The following MYO5A variants were observed in gnomAD, a reference collection of about 807,000 sequenced individuals.
MYO5A encodes unconventional myosin-Va.
MYO5A carries 98 observed loss-of-function variants against 249.7 expected under a neutral mutation model. That is an observed-to-expected ratio of 0.39 (90% CI 0.33 to 0.46). MYO5A has a LOEUF of 0.46. MYO5A is among the 20% of genes least tolerant of loss of function. The pLI is 0.98. For synonymous variants in MYO5A, 778 were observed against 810.6 expected (o/e 0.96, Z 0.68); for missense variants, 1,696 against 2,308.8 (o/e 0.73, Z 5.44).
chr15:52,375,876 A>G (rs548027836), intron 19 of MYO5A, among the ~76,000 whole-genome samples: 2 of 152,288 alleles, frequency 1.3e-5, no homozygotes, highest in East Asian at 3.9e-4. Flanking sequence ...TTCATCTACC[A>G]TATTTTTCCT....
Position 52,370,305 on chromosome 15 carries a change from T to C in MYO5A, c.2930A>G (p.Glu977Gly). ...DLERLQLSEE[E>G]AKVATGRVLS... is the part of the protein sequence containing the mutation. ...GACCCGCCCAGTGGCAACTTTCGCT[T>C]CCTCTTCACTTAGTTGAAGACGTTC... Residue 977 changes from glutamate to glycine, a missense_variant, in exon 22 of 42, where the codon GAA becomes GGA. By Grantham distance (98) the Glu-to-Gly change is moderately conservative. Coordinates refer to ENST00000399233, the MANE Select transcript of MYO5A (RefSeq NM_001382347.1). The C allele has an allele frequency of 1.2e-6, 2 of 1,614,162 alleles. No individual in the cohort carries two copies. The highest frequency in any genetic ancestry group is 1.7e-6 in the Non-Finnish European group (2 of 1,180,014).
At chr15:52,411,253 G>C (rs1298623068) in intron 5 of MYO5A, among the ~76,000 whole-genome samples, 2 of 152,130 alleles carry the variant, frequency 1.3e-5, no homozygotes. Context: ...GGTCTCTTTA[G>C]CCTGATGTTT....
At chr15:52,486,806 C>T (rs2076830057) in intron 1 of MYO5A, among the ~76,000 whole-genome samples, 1 of 152,162 alleles carries the variant, frequency 6.6e-6, no homozygotes, top group Non-Finnish European at 1.5e-5. Flanking sequence ...ACCTGCCTGA[C>T]CACATCATGC....
At chr15:52,524,298 A>C (rs962088277) in intron 1 of MYO5A, among the ~76,000 whole-genome samples, 1 of 152,214 alleles carries the variant, frequency 6.6e-6, no homozygotes, top group Non-Finnish European at 1.5e-5. Context: ...TCATGTCTGT[A>C]ATCTCAACAC....
chr15:52,446,301 T>A (rs962101828), intron 1 of MYO5A, among the ~76,000 whole-genome samples: 3 of 152,218 alleles, frequency 2.0e-5, no homozygotes, highest in Non-Finnish European at 2.9e-5. Context: ...AAAGCCGGGG[T>A]ACAGCTCAAG....
chr15:52,396,438 C>T, intron 10 of MYO5A, 41 bp from the exon 11 acceptor site: 1 of 1,193,488 alleles, frequency 8.4e-7, no homozygotes, highest in Non-Finnish European at 1.2e-6. Context: ...AGAAAAGGAA[C>T]AAAAAGCTTT....
chr15:52,488,044 C>T (rs1277240685), intron 1 of MYO5A, among the ~76,000 whole-genome samples: 1 of 152,020 alleles, frequency 6.6e-6, no homozygotes, highest in East Asian at 1.9e-4. Context: ...GAATTCTTAA[C>T]TTCTACATAG....
chr15:52,346,896 G>A (rs2039663229), intron 29 of MYO5A, among the ~76,000 whole-genome samples: 1 of 151,778 alleles, frequency 6.6e-6, no homozygotes, highest in Non-Finnish European at 1.5e-5. Flanking sequence ...TAGTTACAAT[G>A]AGCAGATGCC....
intron 1 of MYO5A, among the ~76,000 whole-genome samples, chr15:52,504,672 C>A (rs536583887): frequency 6.6e-6 from 1 of 151,930 alleles, no homozygotes; most frequent in East Asian, 1.9e-4. Flanking sequence ...GAGACCAAGG[C>A]GGGTGGATCG....
rs371850205 is a variant in MYO5A at position 52,387,956 on chromosome 15, A to G, written c.1669-44T>C. The G allele has an allele frequency of 1.4e-5, 18 of 1,311,676 alleles. 1 individual carries two copies. In the South Asian group the frequency reaches 2.1e-4, roughly 15 times the overall value. The allele number at this position is 1,311,676 out of a possible 1,614,324, so 81.3% of individuals were successfully genotyped here. ...ATCTCCTTAACTGATAAAACTTTTG[A>G]ATAGATATTATAATCATCAATAATA... On this transcript the variant is annotated intron_variant, in intron 13 of 41. Transcript: ENST00000399233.
chr15:52,508,910 C>T (rs901305542), intron 1 of MYO5A, among the ~76,000 whole-genome samples: 9 of 151,948 alleles, frequency 5.9e-5, no homozygotes, highest in South Asian at 2.1e-4. Flanking sequence ...GTATGTTATA[C>T]GTTATTTTCT....
chr15:52,482,109 G>T (rs746875483), intron 1 of MYO5A, among the ~76,000 whole-genome samples: 16 of 152,186 alleles, frequency 1.1e-4, no homozygotes, highest in Non-Finnish European at 1.9e-4. Context: ...AGCTAGAGTG[G>T]TATCTGCACA....
At chr15:52,316,169 G>A (rs1368236019) in intron 40 of MYO5A, among the ~76,000 whole-genome samples, 1 of 140,986 alleles carries the variant, frequency 7.1e-6, no homozygotes, top group Non-Finnish European at 1.5e-5. Flanking sequence ...GGGAGGGGGA[G>A]CTTGCAGTGA....
intron 5 of MYO5A, among the ~76,000 whole-genome samples, chr15:52,411,949 G>C (rs2043268461): frequency 6.6e-6 from 1 of 152,158 alleles, no homozygotes; most frequent in Non-Finnish European, 1.5e-5. Context: ...TGTAGCCTCA[G>C]ATAATTTATC....
intron 32 of MYO5A, among the ~76,000 whole-genome samples, chr15:52,338,137 C>A (rs1292742410): frequency 6.6e-6 from 1 of 151,048 alleles, no homozygotes; most frequent in African/African-American, 2.5e-5. Context: ...ACTTAGCAGG[C>A]CCAGATAAGG....
At chr15:52,514,940 A>G (rs1284236867) in intron 1 of MYO5A, among the ~76,000 whole-genome samples, 1 of 152,190 alleles carries the variant, frequency 6.6e-6, no homozygotes, top group Non-Finnish European at 1.5e-5. Flanking sequence ...TATAGAAAGT[A>G]AGACCAAAGA....
intron 39 of MYO5A, among the ~76,000 whole-genome samples, chr15:52,318,462 A>AAC (rs952209056): frequency 6.7e-6 from 1 of 149,782 alleles, no homozygotes; most frequent in African/African-American, 2.4e-5. Context: ...ATCTCAAAAA[A>AAC]AAAAAAAAAA....
intron 6 of MYO5A, among the ~76,000 whole-genome samples, chr15:52,410,129 G>A (rs755177797): frequency 1.3e-5 from 2 of 152,150 alleles, no homozygotes; most frequent in Non-Finnish European, 2.9e-5. Context: ...AAAGTGACCA[G>A]TCCCAAAAAC....
chr15:52,380,230 G>T (rs1476296705), intron 16 of MYO5A, among the ~76,000 whole-genome samples: 1 of 152,214 alleles, frequency 6.6e-6, no homozygotes, highest in Non-Finnish European at 1.5e-5. Context: ...GAGGTCAGGA[G>T]TTCAAGACCA....
Sources: gnomAD v4.1 joint callset for allele counts (sites outside exome capture counted in the v4.1 genomes callset) on GRCh38, gnomAD v4.1.1 for gene constraint, MANE v1.5 for transcripts, NCBI Gene and HGNC (gene_info 2026-07-23, HGNC 2026-07-21) for gene names.